The following ROS1 variants were observed in gnomAD, a reference collection of about 807,000 sequenced individuals.
The protein encoded by ROS1 is ROS proto-oncogene 1, receptor tyrosine kinase.
A neutral mutation model predicts 273.5 loss-of-function variants in ROS1; 263 were observed. The ratio of observed to expected loss-of-function variants is 0.96; its 90% CI spans 0.87 to 1.06. The LOEUF (loss-of-function observed/expected upper bound fraction) is 1.06. Ranked by LOEUF, ROS1 falls within the 50% of genes least tolerant of loss-of-function variation. ROS1 has a pLI of 0.00. For missense variants in ROS1, 2,833 were observed against 2,751.1 expected (o/e 1.03, Z -0.67); for synonymous variants, 1,008 against 954.1 (o/e 1.06, Z -1.04).
chr6:117,423,846 C>A (rs1000873122), intron 1 of ROS1, among the ~76,000 whole-genome samples: 1 of 152,100 alleles, frequency 6.6e-6, no homozygotes, highest in Non-Finnish European at 1.5e-5. Flanking sequence ...CTCCTGTGAA[C>A]CATGGTTACA....
At chr6:117,370,720 TA>T (rs1031201334) in intron 18 of ROS1, among the ~76,000 whole-genome samples, 6 of 152,198 alleles carry the variant, frequency 3.9e-5, no homozygotes, top group South Asian at 2.1e-4. Flanking sequence ...ATGTATCATG[TA>T]AAAAAATGCA....
At chr6:117,424,148 C>G (rs772846087) in intron 1 of ROS1, among the ~76,000 whole-genome samples, 4 of 152,010 alleles carry the variant, frequency 2.6e-5, no homozygotes, top group Non-Finnish European at 5.9e-5. Context: ...GTTTCAGTAG[C>G]AGGGAAATTA....
At chr6:117,298,306 T>G (rs960178574) in intron 43 of ROS1, among the ~76,000 whole-genome samples, 3 of 151,998 alleles carry the variant, frequency 2.0e-5, no homozygotes, top group African/African-American at 7.2e-5. Flanking sequence ...CTGACTTCAT[T>G]ACTAAACAAT....
chr6:117,292,659 C>T (rs545083791), intron 43 of ROS1, among the ~76,000 whole-genome samples: 1 of 152,318 alleles, frequency 6.6e-6, no homozygotes, highest in African/African-American at 2.4e-5. Context: ...GAGTATGAAC[C>T]CATATCTTGA....
At position 117,288,499 on chromosome 6, in the gene ROS1, G is replaced by A; in HGVS notation, c.7019C>T (p.Ser2340Phe). The A allele has an allele frequency of 6.2e-7, 1 of 1,611,778 alleles. No individual in the cohort carries two copies. The highest frequency in any genetic ancestry group is 8.5e-7 in the Non-Finnish European group (1 of 1,179,206). The change falls in exon 44 of 44, where the codon TCT (serine) becomes TTT (phenylalanine). Residue 2340 changes from serine (S) to phenylalanine (F), a missense_variant. Coordinates refer to ENST00000368507, the MANE Select transcript of ROS1 (RefSeq NM_001378902.1). ...CLTHSGYGDG[S>F]D ...ATTTCCCAAACAACGCTATTAATCA[G>A]ACCCATCTCCATATCCACTGTGAGT... is the stretch of plus-strand genomic sequence containing the variant.
rs891252103 is a variant in ROS1 at position 117,353,256 on chromosome 6, A to C, written c.4127-90T>G. On this transcript the variant is annotated intron_variant, in intron 26 of 43. Coordinates refer to ENST00000368507, the MANE Select transcript of ROS1 (RefSeq NM_001378902.1). ...ATGTATGAAATTTTTTCTATATTATAATTGCTAAATTTTGAATCTATTATT... is the reference window on the plus strand; with the variant it reads ...ATGTATGAAATTTTTTCTATATTATCATTGCTAAATTTTGAATCTATTATT... 4 of 890,386 alleles carry C rather than the reference A, an allele frequency of 4.5e-6. No individual in the cohort carries two copies. The South Asian group carries it at 8.7e-5, about 19-fold the overall frequency. 55.2% of individuals were successfully genotyped at this position (890,386 alleles called of 1,614,324 possible).
chr6:117,409,098 A>C (rs1774674846), intron 5 of ROS1, among the ~76,000 whole-genome samples: 1 of 151,756 alleles, frequency 6.6e-6, no homozygotes, highest in African/African-American at 2.4e-5. Context: ...TAGCATTAGG[A>C]GATACACCTA....
At chr6:117,319,314 A>C (rs377177305) in intron 37 of ROS1, among the ~76,000 whole-genome samples, 3 of 152,282 alleles carry the variant, frequency 2.0e-5, no homozygotes, top group South Asian at 2.1e-4. Flanking sequence ...CTATGATCTG[A>C]AAATGGCTTT....
At chr6:117,423,719 A>C (rs2128751532) in intron 1 of ROS1, among the ~76,000 whole-genome samples, 1 of 151,602 alleles carries the variant, frequency 6.6e-6, no homozygotes, top group East Asian at 1.9e-4. Context: ...TTTTTAAGAA[A>C]ACATTTCTCA....
At chr6:117,341,068 G>T in intron 31 of ROS1, 67 bp downstream of exon 31, 1 of 974,010 alleles carries the variant, frequency 1.0e-6, no homozygotes, top group Non-Finnish European at 1.6e-6. Context: ...GCATGTTCTA[G>T]ATGCATGAAA....
intron 11 of ROS1, 102 bp from the exon 12 acceptor site, chr6:117,393,423 T>A: frequency 1.3e-6 from 1 of 793,032 alleles, no homozygotes; most frequent in Non-Finnish European, 2.1e-6. Flanking sequence ...GGAATTGTAC[T>A]AGGCACTGAG....
At chr6:117,314,255 A>G (rs1582591386) in intron 39 of ROS1, among the ~76,000 whole-genome samples, 1 of 152,160 alleles carries the variant, frequency 6.6e-6, no homozygotes, top group South Asian at 2.1e-4. Flanking sequence ...CACAAGGGCA[A>G]ATCAACTGTC....
At chr6:117,385,346 G>A (rs1023264388) in intron 16 of ROS1, among the ~76,000 whole-genome samples, 1 of 152,186 alleles carries the variant, frequency 6.6e-6, no homozygotes, top group Non-Finnish European at 1.5e-5. Flanking sequence ...CTTGAGGTCA[G>A]GAGTTCGAGA....
chr6:117,300,881 C>T, intron 43 of ROS1, 93 bp downstream of exon 43: 3 of 969,570 alleles, frequency 3.1e-6, no homozygotes, highest in Middle Eastern at 3.4e-4. Context: ...TTCTTTTTGC[C>T]TACCCCAAAA....
chr6:117,406,261 AAT>A (rs1774395680), intron 5 of ROS1, among the ~76,000 whole-genome samples: 1 of 152,066 alleles, frequency 6.6e-6, no homozygotes, highest in Non-Finnish European at 1.5e-5. Context: ...CTATTTATTT[AAT>A]ATGTTATTAG....
intron 4 of ROS1, among the ~76,000 whole-genome samples, chr6:117,413,978 G>C (rs935197672): frequency 6.6e-6 from 1 of 151,824 alleles, no homozygotes; most frequent in Non-Finnish European, 1.5e-5. Flanking sequence ...GAGACTGTGA[G>C]AAGAAAGAAA....
At chr6:117,364,917 C>A in intron 21 of ROS1, 143 bp downstream of exon 21, 1 of 701,938 alleles carries the variant, frequency 1.4e-6, no homozygotes, top group South Asian at 1.9e-5. Flanking sequence ...CTATTCTAAT[C>A]TCCAAAAAGT....
chr6:117,403,700 A>T (rs1774144419), intron 6 of ROS1, among the ~76,000 whole-genome samples: 1 of 152,152 alleles, frequency 6.6e-6, no homozygotes, highest in Admixed American at 6.5e-5. Context: ...TGTGATGGGC[A>T]GATAATGACT....
chr6:117,410,731 C>T lies in ROS1; in HGVS notation c.256-1089G>A, dbSNP rs543010079. Among the ~76,000 whole-genome samples the T allele has an allele frequency of 2.0e-4, 31 of 152,270 alleles. No individual in the cohort carries two copies. The South Asian group carries it at 6.4e-3, about 32-fold the overall frequency. On this transcript the variant is annotated intron_variant, in intron 4 of 43. Transcript: ENST00000368507. ...GTAATAGCGGAAAGCAGGCACAATA[C>T]ATTTGCCCTAAAAAGAAGAGCTATA...
Sources: allele counts gnomAD v4.1 joint callset (sites outside exome capture counted in the v4.1 genomes callset), GRCh38; gene constraint gnomAD v4.1.1; transcripts MANE v1.5; gene names NCBI Gene and HGNC (gene_info 2026-07-23, HGNC 2026-07-21).